The following PACC1 variants were observed in gnomAD, a reference collection of about 807,000 sequenced individuals.
The protein encoded by PACC1 is proton activated chloride channel 1, also known as proton-activated chloride channel.
Under a neutral mutation model 39.7 loss-of-function variants are expected in PACC1, and 34 were observed. That is an observed-to-expected ratio of 0.86 (90% CI 0.65 to 1.14). The LOEUF (loss-of-function observed/expected upper bound fraction) is 1.14, where lower values mean the gene tolerates loss of function less well. Ranked by LOEUF, PACC1 falls within the 50% of genes most tolerant of loss-of-function variation. The pLI is 0.00. For synonymous variants in PACC1, 127 were observed against 160.6 expected, an observed-to-expected ratio of 0.79 and a Z score of 1.58; for missense variants, 379 against 436.4, an observed-to-expected ratio of 0.87 and a Z score of 1.17.
rs981215918 is a variant in PACC1, at chr1:212,386,065, C to T, written c.344-640G>A. On this transcript the variant is annotated intron_variant, in intron 3 of 7. Transcript: ENST00000261455. This position sits in a 1 kb window ranked among gnomAD's most constrained non-coding sequence, Gnocchi z 5.0. ...ACAGAGAAGAGGGACAAACACAAGA[C>T]AGGAAGAGATGGGCAGAGGAGCCAT... Among the ~76,000 whole-genome samples the T allele has an allele frequency of 1.1e-4, 16 of 152,100 alleles. No individual in the cohort carries two copies. The highest frequency in any genetic ancestry group is 3.6e-4 in the African/African-American group (15 of 41,428).
intron 2 of PACC1, among the ~76,000 whole-genome samples, chr1:212,392,019 G>C (rs1558176065): frequency 6.6e-6 from 1 of 152,186 alleles, no homozygotes; most frequent in Non-Finnish European, 1.5e-5. Context: ...AAAACACTCT[G>C]CAGGATATTA....
intron 1 of PACC1, chr1:212,414,163 G>C: frequency 7.1e-7 from 1 of 1,400,386 alleles, no homozygotes; most frequent in Non-Finnish European, 9.4e-7. Context: ...GAGAGACGAA[G>C]AGGAGCGAGA....
intron 6 of PACC1, 107 bp downstream of exon 6, chr1:212,377,455 C>A: frequency 1.4e-6 from 2 of 1,478,666 alleles, no homozygotes. Flanking sequence ...GGCCTACTCA[C>A]CCTTAAGGCC....
intron 7 of PACC1, 85 bp from the exon 8 acceptor site, chr1:212,365,461 C>T (rs962903436): frequency 1.4e-4 from 186 of 1,345,288 alleles, no homozygotes; most frequent in Admixed American, 1.7e-4. Context: ...GATGGAGTTT[C>T]GCTCTTGTCA....
At chr1:212,385,550 GA>G in intron 3 of PACC1, 125 bp from the exon 4 acceptor site, 3 of 1,045,860 alleles carry the variant, frequency 2.9e-6, no homozygotes, top group Non-Finnish European at 4.2e-6. Flanking sequence ...GAAGGGAGAA[GA>G]AAAGGGTTTC....
At chr1:212,395,757 C>T (rs1661490797) in intron 2 of PACC1, among the ~76,000 whole-genome samples, 1 of 152,026 alleles carries the variant, frequency 6.6e-6, no homozygotes, top group Non-Finnish European at 1.5e-5. Flanking sequence ...AAAAACAACC[C>T]CATCAACAAG....
rs201896403 is a variant in PACC1, at chr1:212,410,548, G to A, written c.37-27C>T. 1,018 of 1,603,716 alleles carry A rather than the reference G, an allele frequency of 6.3e-4. 7 individuals are homozygous for A. In the African/African-American group the frequency reaches 0.012, roughly 19 times the overall value. On this transcript the variant is annotated intron_variant, in intron 1 of 7. Transcript: ENST00000261455. ...TAAAGGGAGAAGCAAAGAGAGCAAA[G>A]ACAAGTCAGCTATGTCAGCCTTGCT...
intron 1 of PACC1, among the ~76,000 whole-genome samples, chr1:212,411,429 T>C (rs1388453800): frequency 6.6e-6 from 1 of 152,136 alleles, no homozygotes; most frequent in Non-Finnish European, 1.5e-5. Flanking sequence ...CTGATTATAA[T>C]CAGCAGCCTG....
intron 4 of PACC1, among the ~76,000 whole-genome samples, chr1:212,383,554 T>C (rs908829275): frequency 2.0e-5 from 3 of 152,212 alleles, no homozygotes; most frequent in African/African-American, 7.2e-5. Context: ...CTAGAGTCCA[T>C]TCTATTTGTT....
intron 4 of PACC1, among the ~76,000 whole-genome samples, chr1:212,382,636 C>G (rs1053153887): frequency 3.3e-5 from 5 of 152,180 alleles, no homozygotes; most frequent in Non-Finnish European, 4.4e-5. Context: ...CAGCCAGAAG[C>G]CTACACATTT....
chr1:212,411,807 C>G (rs1270467860), intron 1 of PACC1, among the ~76,000 whole-genome samples: 1 of 152,162 alleles, frequency 6.6e-6, no homozygotes, highest in Non-Finnish European at 1.5e-5. Context: ...TAGAATCAGG[C>G]AAAATCTCCA....
At chr1:212,365,429 CTTTTTTTTTTTT>C in intron 7 of PACC1, 53 bp from the exon 8 acceptor site, 1 of 977,754 alleles carries the variant, frequency 1.0e-6, no homozygotes, top group Non-Finnish European at 1.4e-6. Context: ...AGTCTTGATT[CTTTTTTTTTTTT>C]TTTTTTTGAG....
intron 5 of PACC1, among the ~76,000 whole-genome samples, chr1:212,379,143 C>T (rs984466449): frequency 6.6e-6 from 1 of 152,082 alleles, no homozygotes; most frequent in African/African-American, 2.4e-5. Context: ...TGGGGTTTCA[C>T]CATGTTAGCC....
intron 2 of PACC1, among the ~76,000 whole-genome samples, chr1:212,408,022 C>T (rs982112519): frequency 5.4e-5 from 8 of 148,612 alleles, no homozygotes; most frequent in Admixed American, 4.1e-4. Context: ...TGCAATGAGC[C>T]GAGACTGTGC....
At chr1:212,387,187 C>T in intron 2 of PACC1, 87 bp from the exon 3 acceptor site, 1 of 1,392,242 alleles carries the variant, frequency 7.2e-7, no homozygotes, top group Non-Finnish European at 9.9e-7. Context: ...CCTTGCCTGC[C>T]TCACCAAGGA....
chr1:212,371,310 A>C (rs1660449935), intron 7 of PACC1, among the ~76,000 whole-genome samples: 1 of 151,752 alleles, frequency 6.6e-6, no homozygotes, highest in South Asian at 2.1e-4. Flanking sequence ...AGTTAAACAA[A>C]ATCTATCTAA....
At chr1:212,367,136 G>T (rs1221480317) in intron 7 of PACC1, among the ~76,000 whole-genome samples, 1 of 152,200 alleles carries the variant, frequency 6.6e-6, no homozygotes, top group African/African-American at 2.4e-5. Flanking sequence ...GATGGCTAAA[G>T]AGAACCCTCC....
chr1:212,401,257 T>C (rs1661698459), intron 2 of PACC1, among the ~76,000 whole-genome samples: 1 of 152,162 alleles, frequency 6.6e-6, no homozygotes, highest in South Asian at 2.1e-4. Context: ...TTTCTGTCCC[T>C]ATGGATTTGC....
intron 3 of PACC1, 88 bp from the exon 4 acceptor site, chr1:212,385,513 G>A (rs552706834): frequency 1.5e-4 from 216 of 1,403,360 alleles, no homozygotes; most frequent in Non-Finnish European, 1.9e-4. Context: ...AACAACCTAC[G>A]TTCTGGACTC....
Sources: allele counts gnomAD v4.1 joint callset (sites outside exome capture counted in the v4.1 genomes callset), GRCh38; gene constraint gnomAD v4.1.1; non-coding constraint Gnocchi (gnomAD v3.1); transcripts MANE v1.5; gene names NCBI Gene and HGNC (gene_info 2026-07-23, HGNC 2026-07-21).